ATP6V0A1: variants seen among roughly 807,000 people sequenced by gnomAD.
The protein encoded by ATP6V0A1 is V-type proton ATPase 116 kDa subunit a 1.
In ATP6V0A1, 43 loss-of-function variants were observed where a neutral mutation model predicts 105.4. The observed-to-expected ratio is 0.41, with a 90% confidence interval of 0.32 to 0.53. The LOEUF is 0.53. Ranked by LOEUF, ATP6V0A1 falls within the 20% of genes least tolerant of loss-of-function variation. ATP6V0A1 has a pLI of 0.30. For missense variants in ATP6V0A1, 676 were observed against 1,051.1 expected, an observed-to-expected ratio of 0.64 and a Z score of 4.93; for synonymous variants, 362 against 372.8, an observed-to-expected ratio of 0.97 and a Z score of 0.33.
At chr17:42,479,636 G>A (rs2089236453) in intron 7 of ATP6V0A1, among the ~76,000 whole-genome samples, 1 of 152,208 alleles carries the variant, frequency 6.6e-6, no homozygotes, top group African/African-American at 2.4e-5. Context: ...AGATTGAATT[G>A]TGAGATTTCT....
At chr17:42,516,935 C>T (rs1218593331) in intron 21 of ATP6V0A1, among the ~76,000 whole-genome samples, 1 of 152,228 alleles carries the variant, frequency 6.6e-6, no homozygotes, top group African/African-American at 2.4e-5. Flanking sequence ...CCAAGTGCTG[C>T]CACAGCAAAA....
intron 17 of ATP6V0A1, among the ~76,000 whole-genome samples, chr17:42,504,817 A>C (rs1397882307): frequency 6.6e-6 from 1 of 152,088 alleles, no homozygotes; most frequent in Non-Finnish European, 1.5e-5. Flanking sequence ...ACCTGCCCCC[A>C]CTACAGTCCT....
chr17:42,468,589 T>C (rs1429466808), intron 4 of ATP6V0A1, among the ~76,000 whole-genome samples: 1 of 152,200 alleles, frequency 6.6e-6, no homozygotes, highest in Non-Finnish European at 1.5e-5. Flanking sequence ...TCCCTACCTC[T>C]ATGAGATCAA....
chr17:42,515,306 AAT>A (rs967145400), intron 21 of ATP6V0A1, among the ~76,000 whole-genome samples: 1 of 151,276 alleles, frequency 6.6e-6, no homozygotes, highest in Non-Finnish European at 1.5e-5. Flanking sequence ...GTCTCTACTA[AAT>A]ATACAAAAAT....
At chr17:42,469,899 A>G (rs553267505) in intron 4 of ATP6V0A1, among the ~76,000 whole-genome samples, 191 bp from the exon 5 acceptor site, 21 of 151,992 alleles carry the variant, frequency 1.4e-4, no homozygotes, top group Non-Finnish European at 1.9e-4. Context: ...GCCTCGGCCC[A>G]GGAGAGATTA....
chr17:42,493,694 G>A, intron 11 of ATP6V0A1, among the ~76,000 whole-genome samples: 1 of 151,902 alleles, frequency 6.6e-6, no homozygotes, highest in East Asian at 1.9e-4. Context: ...CATACTTGTA[G>A]TTCCAACTGT....
chr17:42,489,935 C>T (rs757882723), intron 10 of ATP6V0A1, among the ~76,000 whole-genome samples: 13 of 152,136 alleles, frequency 8.5e-5, no homozygotes, highest in Non-Finnish European at 1.3e-4. Flanking sequence ...CAATGGTCAG[C>T]GAGCAGGAGG....
intron 2 of ATP6V0A1, among the ~76,000 whole-genome samples, chr17:42,463,839 G>A (rs897158492): frequency 5.3e-5 from 8 of 152,104 alleles, no homozygotes; most frequent in African/African-American, 1.7e-4. Flanking sequence ...TACATATTTT[G>A]TATGTTATAT....
At chr17:42,506,656 A>G (rs1322697789) in intron 17 of ATP6V0A1, among the ~76,000 whole-genome samples, 3 of 152,224 alleles carry the variant, frequency 2.0e-5, no homozygotes, top group South Asian at 4.1e-4. Flanking sequence ...GTGGCAGGTT[A>G]GCACTAATTG....
intron 17 of ATP6V0A1, among the ~76,000 whole-genome samples, chr17:42,506,136 A>G (rs908289299): frequency 4.6e-5 from 7 of 152,196 alleles, no homozygotes; most frequent in Non-Finnish European, 7.3e-5. Flanking sequence ...ATGTTCCAGC[A>G]GTGGGATTGC....
chr17:42,506,863 G>T (rs1219394539), intron 17 of ATP6V0A1, among the ~76,000 whole-genome samples: 4 of 152,206 alleles, frequency 2.6e-5, no homozygotes, highest in Non-Finnish European at 5.9e-5. Context: ...GCCTGTGGAA[G>T]AATTGTTCTA....
At chr17:42,473,938 G>A (rs983123511) in intron 5 of ATP6V0A1, among the ~76,000 whole-genome samples, 12 of 151,966 alleles carry the variant, frequency 7.9e-5, no homozygotes, top group South Asian at 4.2e-4. Context: ...TGCCTGTTTT[G>A]AGAAGGCAGA....
At chr17:42,513,424 C>T (rs1567870715) in intron 19 of ATP6V0A1, 3 of 166,164 alleles carry the variant, frequency 1.8e-5, no homozygotes, top group Admixed American at 5.7e-5. Flanking sequence ...TCTCCTGAAG[C>T]GCACTCTGGG....
intron 18 of ATP6V0A1, among the ~76,000 whole-genome samples, chr17:42,508,000 A>C (rs1458290876): frequency 6.6e-6 from 1 of 152,172 alleles, no homozygotes; most frequent in Non-Finnish European, 1.5e-5. Flanking sequence ...TGACCCTTCC[A>C]AGGATCGTTC....
chr17:42,487,062 C>CT, intron 9 of ATP6V0A1, 93 bp from the exon 10 acceptor site: 1 of 1,267,850 alleles, frequency 7.9e-7, no homozygotes, highest in Non-Finnish European at 1.1e-6. Flanking sequence ...CCTGGCAACT[C>CT]TTTTCAGAAA....
chr17:42,504,404 T>A (rs2091887890), intron 17 of ATP6V0A1, among the ~76,000 whole-genome samples: 1 of 152,182 alleles, frequency 6.6e-6, no homozygotes, highest in African/African-American at 2.4e-5. Flanking sequence ...TGCTCCTCAG[T>A]TTATCTGCTA....
At chr17:42,501,348 G>T in intron 17 of ATP6V0A1, 44 bp downstream of exon 17, 1 of 1,219,154 alleles carries the variant, frequency 8.2e-7, no homozygotes, top group Non-Finnish European at 1.2e-6. Flanking sequence ...CTTTTGTTTT[G>T]TTCAAGATCA....
Position 42,475,034 on chromosome 17 carries a change from C to T in ATP6V0A1, c.424-2626C>T, listed in dbSNP as rs564462048. On this transcript the variant is annotated intron_variant, in intron 5 of 21. Transcript: ENST00000343619. ...GCATCTTTTACCATAAGCACCATAA[C>T]ATATGAGAACATAAAGAAGACTGGA... 1.2e-4 allele frequency among the ~76,000 whole-genome samples: 19 copies of T among 152,314 alleles called. No individual in the cohort carries two copies. In the East Asian group the frequency reaches 3.3e-3, roughly 26 times the overall value.
At chr17:42,517,295 A>G (rs2092669212) in intron 21 of ATP6V0A1, among the ~76,000 whole-genome samples, 1 of 151,790 alleles carries the variant, frequency 6.6e-6, no homozygotes, top group African/African-American at 2.4e-5. Context: ...AACAACAACA[A>G]CAACAACAAC....
Sources: gnomAD v4.1 joint callset for allele counts (sites outside exome capture counted in the v4.1 genomes callset) on GRCh38, gnomAD v4.1.1 for gene constraint, MANE v1.5 for transcripts, NCBI Gene and HGNC (gene_info 2026-07-23, HGNC 2026-07-21) for gene names.